The following TICRR variants were observed in gnomAD, a reference collection of about 807,000 sequenced individuals.
TICRR encodes treslin.
In TICRR, 132 loss-of-function variants were observed where a neutral mutation model predicts 178.1. That is an observed-to-expected ratio of 0.74 (90% confidence interval 0.64 to 0.86). TICRR has a LOEUF of 0.86. Among genes scored for constraint, TICRR ranks in the 40% least tolerant of loss-of-function variants. The probability of loss-of-function intolerance (pLI) is 0.00; values close to 1 mark genes in which losing one functional copy is unlikely to be tolerated. For missense variants in TICRR, 2,587 were observed against 2,334.3 expected (o/e 1.11, Z -2.23); for synonymous variants, 991 against 900.7 (o/e 1.10, Z -1.79).
rs566439724 is a variant in TICRR at position 89,588,573 on chromosome 15, A to G, written c.1411+2631A>G. On this transcript the variant is annotated intron_variant, in intron 4 of 21. Coordinates refer to ENST00000268138, the MANE Select transcript of TICRR (RefSeq NM_152259.4). ...GGATTTCTGGAGCCAATCTGCTCAA[A>G]GGAGAGAGCTAAAAAATAGGTGGAG... Among the ~76,000 whole-genome samples the G allele has an allele frequency of 2.6e-5, 4 of 152,292 alleles. No individual in the cohort carries two copies. The South Asian group carries it at 8.3e-4, about 32-fold the overall frequency.
chr15:89,627,273 G>A lies in TICRR; in HGVS notation c.*187G>A. 1 of 687,712 alleles carries A rather than the reference G, an allele frequency of 1.5e-6. No individual in the cohort carries two copies. The highest frequency in any genetic ancestry group is 2.2e-5 in the South Asian group (1 of 45,648). 42.6% of individuals were successfully genotyped at this position (687,712 alleles called of 1,614,324 possible). A position where few individuals can be genotyped will look rare whatever the true frequency, so the allele number is the denominator to read the frequency against. On this transcript the variant is annotated 3_prime_UTR_variant, in exon 22 of 22. Transcript: ENST00000268138. Reference sequence around the variant, plus strand: ...TCTCCTGGCCCTGCCCCTTGTTGGGGAAGTTGCAGGAGGAGAGGTGGATGG... The same window carrying A: ...TCTCCTGGCCCTGCCCCTTGTTGGGAAAGTTGCAGGAGGAGAGGTGGATGG...
At chr15:89,619,993 T>C (rs1963398731) in intron 18 of TICRR, 151 bp downstream of exon 18, 2 of 900,192 alleles carry the variant, frequency 2.2e-6, no homozygotes, top group Non-Finnish European at 3.3e-6. Flanking sequence ...GATGGCTAGA[T>C]GGACAGTCCA....
At chr15:89,588,453 A>T (rs1374375876) in intron 4 of TICRR, among the ~76,000 whole-genome samples, 1 of 152,114 alleles carries the variant, frequency 6.6e-6, no homozygotes, top group East Asian at 1.9e-4. Flanking sequence ...ACAGGAAGAG[A>T]TTACAGGATT....
chr15:89,581,890 C>T (rs112141067), intron 1 of TICRR, among the ~76,000 whole-genome samples: 4 of 152,100 alleles, frequency 2.6e-5, no homozygotes, highest in Non-Finnish European at 2.9e-5. Context: ...AAAGATGCCA[C>T]GAGGCCTCGG....
rs1236860188 is a variant in TICRR, at chr15:89,585,880, C to T, written c.1349C>T (p.Ser450Leu). The T allele has an allele frequency of 1.2e-6, 2 of 1,614,170 alleles. No individual in the cohort carries two copies. Among genetic ancestry groups the T allele is most frequent in the Non-Finnish European group, 1.7e-6 (2 of 1,180,040 alleles). ...DSPRDTASLF[S>L]DVVDSILNQT... is the part of the protein sequence containing the mutation. ...CCCCGGGACACAGCTTCCCTTTTCT[C>T]AGATGTTGTGGATAGTATATTGAAT... is the stretch of plus-strand genomic sequence containing the variant. Residue 450 changes from serine (S) to leucine (L), a missense_variant, in exon 4 of 22, where the codon TCA becomes TTA. Physicochemically the swap from Ser to Leu is moderately radical, Grantham distance 145. Coordinates refer to ENST00000268138, the MANE Select transcript of TICRR (RefSeq NM_152259.4).
rs1157376609 is a variant in TICRR at position 89,625,628 on chromosome 15, G to T, written c.5318G>T (p.Arg1773Met). The change falls in exon 20 of 22, where the codon AGG (arginine) becomes ATG (methionine). Residue 1773 changes from arginine to methionine, a missense_variant. Physicochemically the swap from Arg to Met is moderately conservative, Grantham distance 91 (BLOSUM62 -1). Transcript: ENST00000268138. ...TGGGGACAGTTTGGGTTGAGTTCCA[G>T]GAAGAGAGTCCTGTTGGCCAAGGAA... Reference protein sequence around the residue: ...SSWGQFGLSSRKRVLLAKEEA... With the variant: ...SSWGQFGLSSMKRVLLAKEEA... 1.2e-6 allele frequency: 2 copies of T among 1,613,410 alleles called. No individual in the cohort carries two copies. Among genetic ancestry groups the T allele is most frequent in the South Asian group, 2.2e-5 (2 of 91,080 alleles).
At chr15:89,600,135 T>C (rs1648754684) in intron 8 of TICRR, among the ~76,000 whole-genome samples, 1 of 152,152 alleles carries the variant, frequency 6.6e-6, no homozygotes, top group Non-Finnish European at 1.5e-5. Context: ...CCTTGCTCTC[T>C]CCAGATGAAC....
chr15:89,620,462 C>T (rs1026898240), intron 18 of TICRR, among the ~76,000 whole-genome samples: 3 of 152,136 alleles, frequency 2.0e-5, no homozygotes, highest in African/African-American at 7.2e-5. Context: ...TCTGCCTCGG[C>T]CTCCCAAAGT....
chr15:89,608,862 T>C lies in TICRR; in HGVS notation c.2782T>C (p.Ser928Pro), dbSNP rs753429985. Reference sequence around the variant, plus strand: ...GGAATTGCTTTCCCCTTCAAAGAGATCACTAAAGCGGGGGTTGCCTAGAAG... The same window carrying C: ...GGAATTGCTTTCCCCTTCAAAGAGACCACTAAAGCGGGGGTTGCCTAGAAG... ...NQELLSPSKRSLKRGLPRSHS... is the reference protein window; with the variant it reads ...NQELLSPSKRPLKRGLPRSHS... The change falls in exon 15 of 22, where the codon TCA becomes CCA. Residue 928 changes from serine to proline, a missense_variant. Physicochemically the swap from Ser to Pro is moderately conservative, Grantham distance 74. Transcript: ENST00000268138. 2 of 1,610,492 alleles carry C rather than the reference T, an allele frequency of 1.2e-6. No individual in the cohort carries two copies. Among genetic ancestry groups the C allele is most frequent in the East Asian group, 2.2e-5 (1 of 44,560 alleles).
intron 1 of TICRR, chr15:89,582,323 C>T (rs370420904): frequency 8.9e-6 from 1 of 112,994 alleles, no homozygotes; most frequent in Admixed American, 9.5e-5. Context: ...GACTCTGACT[C>T]AAAAAAAAAA....
rs375118771 is a variant in TICRR, at chr15:89,617,881, G to A, written c.2961-271G>A. 8.7e-4 allele frequency: 285 copies of A among 328,402 alleles called. 5 individuals carry two copies. The South Asian group carries it at 0.012, about 14-fold the overall frequency. 20.3% of individuals were successfully genotyped at this position (328,402 alleles called of 1,614,324 possible). On this transcript the variant is annotated intron_variant, in intron 16 of 21. Transcript: ENST00000268138. ...TAATTTTTGTATTTTTAATAGAGTC[G>A]GGGTTTCACCATATTGGCCAGACTG... is the stretch of plus-strand genomic sequence containing the variant.
rs752104327 is a variant in TICRR, at chr15:89,582,758, T to C, written c.727T>C (p.Leu243=). The C allele has an allele frequency of 1.2e-6, 2 of 1,614,162 alleles. No homozygotes were observed. The highest frequency in any genetic ancestry group is 1.7e-6 in the Non-Finnish European group (2 of 1,179,982). Residue 243 remains leucine, a synonymous_variant, in exon 2 of 22, where the codon TTG becomes CTG. Transcript: ENST00000268138. ...GCTCCACCACGGAGGTGGCACTGTC[T>C]TGCCATCTGAATCTTTCAGCTGGGA... is the stretch of plus-strand genomic sequence containing the variant. ...ELLHHGGGTV[L]PSESFSWDFA...
chr15:89,624,844 T>C lies in TICRR; in HGVS notation c.4534T>C (p.Ser1512Pro). 4 of 1,614,126 alleles carry C rather than the reference T, an allele frequency of 2.5e-6. No individual in the cohort carries two copies. Among genetic ancestry groups the C allele is most frequent in the Non-Finnish European group, 3.4e-6 (4 of 1,180,016 alleles). Residue 1512 changes from serine (S) to proline (P), a missense_variant, in exon 20 of 22, where the codon TCC becomes CCC. Physicochemically the swap from Ser to Pro is moderately conservative, Grantham distance 74 (BLOSUM62 -1). Coordinates refer to ENST00000268138, the MANE Select transcript of TICRR (RefSeq NM_152259.4). The stretch of plus-strand genomic sequence containing the variant: ...CCCTGGGATTCCCCCATCTCCTCCT[T>C]CCTGTGGGCCTGGCTCTCCTCTGAT... ...SHPGIPPSPP[S>P]CGPGSPLMPS...
At position 89,608,871 on chromosome 15, in the gene TICRR, C is replaced by T. The variant is rs748521207; in HGVS notation, c.2791C>T (p.Arg931Trp). Residue 931 changes from arginine to tryptophan, a missense_variant, in exon 15 of 22, where the codon CGG (arginine) becomes TGG (tryptophan). Physicochemically the swap from Arg to Trp is moderately radical, Grantham distance 101. Coordinates refer to ENST00000268138, the MANE Select transcript of TICRR (RefSeq NM_152259.4). Reference protein sequence around the residue: ...LLSPSKRSLKRGLPRSHSVSA... With the variant: ...LLSPSKRSLKWGLPRSHSVSA... Reference sequence around the variant, plus strand: ...TTCCCCTTCAAAGAGATCACTAAAGCGGGGGTTGCCTAGAAGCCATTCTGT... The same window carrying T: ...TTCCCCTTCAAAGAGATCACTAAAGTGGGGGTTGCCTAGAAGCCATTCTGT... 59 of 1,610,666 alleles carry T rather than the reference C, an allele frequency of 3.7e-5. No individual in the cohort carries two copies. The South Asian group carries it at 4.2e-4, about 11-fold the overall frequency.
Position 89,624,739 on chromosome 15 carries a change from G to T in TICRR, c.4429G>T (p.Asp1477Tyr). The T allele has an allele frequency of 1.2e-6, 2 of 1,614,180 alleles. No individual in the cohort carries two copies. The highest frequency in any genetic ancestry group is 1.7e-6 in the Non-Finnish European group (2 of 1,180,042). The change falls in exon 20 of 22, where the codon GAC (aspartate) becomes TAC (tyrosine). Residue 1477 changes from aspartate (D) to tyrosine (Y), a missense_variant. Transcript: ENST00000268138. ...LSEAEHHGIG[D>Y]LKSNVLSVEE... The stretch of plus-strand genomic sequence containing the variant: ...TGAAGCCGAACACCATGGCATTGGT[G>T]ACTTGAAAAGTAACGTCTTATCAGT...
In TICRR at chr15:89,623,627, C is replaced by T; in HGVS notation, c.3317C>T (p.Pro1106Leu). Reference sequence around the variant, plus strand: ...AATAAGCATTTCTCTTTTCAGACTCCCAAGAAGAGTCACCAGAAATCTCTG... The same window carrying T: ...AATAAGCATTTCTCTTTTCAGACTCTCAAGAAGAGTCACCAGAAATCTCTG... Reference protein sequence around the residue: ...DSEVPAAYQTPKKSHQKSLSF... With the variant: ...DSEVPAAYQTLKKSHQKSLSF... The change falls in exon 20 of 22, where the codon CCC becomes CTC. Residue 1106 changes from proline (P) to leucine (L), a missense_variant. Pro to Leu is a moderately conservative substitution (Grantham distance 98). Transcript: ENST00000268138. 3 of 1,604,376 alleles carry T rather than the reference C, an allele frequency of 1.9e-6. No individual in the cohort carries two copies. The South Asian group carries it at 3.4e-5, about 18-fold the overall frequency.
rs747954087 is a variant in TICRR at position 89,624,704 on chromosome 15, C to T, written c.4394C>T (p.Thr1465Ile). The T allele has an allele frequency of 6.2e-6, 10 of 1,614,162 alleles. No homozygotes were observed. Among genetic ancestry groups the T allele is most frequent in the South Asian group, 1.1e-5 (1 of 91,088 alleles). Residue 1465 changes from threonine (T) to isoleucine (I), a missense_variant, in exon 20 of 22, where the codon ACT (threonine) becomes ATT (isoleucine). Transcript: ENST00000268138. ...ATTACAAGTGACACAGAGCATGTCA[C>T]TCTCCTCAGTGAAGCCGAACACCAT... ...LLITSDTEHV[T>I]LLSEAEHHGI...
intron 15 of TICRR, 149 bp downstream of exon 15, chr15:89,609,098 ATCTTTTTTT>A: frequency 3.0e-5 from 5 of 167,368 alleles, no homozygotes; most frequent in Non-Finnish European, 4.9e-5. Context: ...AATTTTGTTA[ATCTTTTTTT>A]TTTTTTTTTT....
rs773547660 is a variant in TICRR, at chr15:89,627,134, T to A, written c.*48T>A. The A allele has an allele frequency of 6.2e-7, 1 of 1,607,400 alleles. No homozygotes were observed. Among genetic ancestry groups the A allele is most frequent in the Admixed American group, 1.7e-5 (1 of 59,398 alleles). The stretch of plus-strand genomic sequence containing the variant: ...AAGATCAAGGAGTCAGCCAGGACCC[T>A]GTGGACATAAAGAAGTTGGATGCCT... On this transcript the variant is annotated 3_prime_UTR_variant, in exon 22 of 22. Transcript: ENST00000268138.
Sources: allele counts gnomAD v4.1 joint callset (sites outside exome capture counted in the v4.1 genomes callset), GRCh38; gene constraint gnomAD v4.1.1; transcripts MANE v1.5; gene names NCBI Gene and HGNC (gene_info 2026-07-23, HGNC 2026-07-21).